EPHA7: variants seen among roughly 807,000 people sequenced by gnomAD.
The protein encoded by EPHA7 is EPH receptor A7.
In EPHA7, 25 loss-of-function variants were observed where a neutral mutation model predicts 112.6. That is an observed-to-expected ratio of 0.22 (90% CI 0.16 to 0.31). The LOEUF is 0.31. EPHA7 is among the 10% of genes least tolerant of loss of function. The pLI is 1.00. For missense variants in EPHA7, 962 were observed against 1,212.6 expected, an observed-to-expected ratio of 0.79 and a Z score of 3.07; for synonymous variants, 437 against 406.5, an observed-to-expected ratio of 1.07 and a Z score of -0.90.
At chr6:93,356,317 C>T (rs1217280912) in intron 5 of EPHA7, among the ~76,000 whole-genome samples, 7 of 151,982 alleles carry the variant, frequency 4.6e-5, no homozygotes, top group Non-Finnish European at 1.0e-4. Flanking sequence ...AAGTGATTCT[C>T]CTGCCTCAGC....
chr6:93,260,212 A>G (rs960499952), intron 9 of EPHA7, among the ~76,000 whole-genome samples: 6 of 151,952 alleles, frequency 3.9e-5, no homozygotes, highest in Admixed American at 3.9e-4. Context: ...ACTTTCAATT[A>G]TAAGGCTCTG....
intron 5 of EPHA7, among the ~76,000 whole-genome samples, chr6:93,345,295 A>G (rs1239642851): frequency 6.6e-6 from 1 of 151,748 alleles, no homozygotes; most frequent in Non-Finnish European, 1.5e-5. Context: ...TAATGACGAA[A>G]TATTAAAAAT....
Position 93,278,252 on chromosome 6 carries a change from ACTC to A in EPHA7, c.1325-5833_1325-5831del, listed in dbSNP as rs370848023. 8.6e-5 allele frequency among the ~76,000 whole-genome samples: 13 copies of A among 152,002 alleles called. No individual in the cohort carries two copies. In the East Asian group the frequency reaches 1.9e-3, roughly 23 times the overall value. Reference sequence around the variant, plus strand: ...TCATTGTTGCTAAACACATACTAGGACTCCTCCTAATCTCTGCTAAAGTACTGA... The same window carrying A: ...TCATTGTTGCTAAACACATACTAGGACTCCTAATCTCTGCTAAAGTACTGA... On this transcript the variant is annotated intron_variant, in intron 5 of 16. Coordinates refer to ENST00000369303, the MANE Select transcript of EPHA7 (RefSeq NM_004440.4).
intron 7 of EPHA7, among the ~76,000 whole-genome samples, 167 bp from the exon 8 acceptor site, chr6:93,264,869 G>T (rs1424667833): frequency 6.6e-6 from 1 of 151,586 alleles, no homozygotes; most frequent in African/African-American, 2.4e-5. Context: ...GCCTTTTAAA[G>T]AACTTGTAAG....
intron 9 of EPHA7, among the ~76,000 whole-genome samples, chr6:93,261,776 T>C (rs1264893335): frequency 1.3e-5 from 2 of 151,542 alleles, no homozygotes; most frequent in East Asian, 3.9e-4. Flanking sequence ...TTATCTTGTC[T>C]ATATTAGCAA....
chr6:93,263,558 T>C (rs1748299310), intron 9 of EPHA7, among the ~76,000 whole-genome samples: 1 of 151,466 alleles, frequency 6.6e-6, no homozygotes, highest in African/African-American at 2.4e-5. Flanking sequence ...ATGCAACCTT[T>C]AATGTATTAT....
chr6:93,388,539 AAGAAATGCT>A (rs931579014), intron 3 of EPHA7, among the ~76,000 whole-genome samples: 3 of 152,144 alleles, frequency 2.0e-5, no homozygotes, highest in Admixed American at 2.0e-4. Context: ...GAAGGATATA[AAGAAATGCT>A]ATTATTTTGT....
Position 93,289,019 on chromosome 6 carries a change from A to G in EPHA7, c.1325-16597T>C, listed in dbSNP as rs1045832519. On this transcript the variant is annotated intron_variant, in intron 5 of 16. Coordinates refer to ENST00000369303, the MANE Select transcript of EPHA7 (RefSeq NM_004440.4). ...TCACAGCATGCAACTTTAGACATAT[A>G]TTAAATTCTGTTTAAATGAATGAAT... Among the ~76,000 whole-genome samples the G allele has an allele frequency of 2.0e-5, 3 of 152,172 alleles. 1 individual carries two copies. The highest frequency in any genetic ancestry group is 7.2e-5 in the African/African-American group (3 of 41,428).
At chr6:93,307,306 C>A (rs769072226) in intron 5 of EPHA7, among the ~76,000 whole-genome samples, 1 of 151,946 alleles carries the variant, frequency 6.6e-6, no homozygotes, top group Non-Finnish European at 1.5e-5. Context: ...CTGTCCACAT[C>A]ATTTAACAGA....
At chr6:93,273,136 A>G (rs1771308914) in intron 5 of EPHA7, among the ~76,000 whole-genome samples, 1 of 151,942 alleles carries the variant, frequency 6.6e-6, no homozygotes. Flanking sequence ...CTCTTTCTAT[A>G]TAGATAATAA....
chr6:93,413,756 TAC>T (rs1779091799), intron 2 of EPHA7, among the ~76,000 whole-genome samples: 1 of 151,954 alleles, frequency 6.6e-6, no homozygotes, highest in Non-Finnish European at 1.5e-5. Context: ...GTTCATATTT[TAC>T]ATTCTTAAAC....
chr6:93,386,982 A>G (rs1443106064), intron 3 of EPHA7, among the ~76,000 whole-genome samples: 1 of 152,130 alleles, frequency 6.6e-6, no homozygotes, highest in African/African-American at 2.4e-5. Context: ...TGTGATGACA[A>G]GGGATGCTGT....
intron 3 of EPHA7, among the ~76,000 whole-genome samples, chr6:93,388,090 C>G (rs542077558): frequency 6.6e-6 from 1 of 151,962 alleles, no homozygotes; most frequent in Non-Finnish European, 1.5e-5. Flanking sequence ...AAAAGATGAC[C>G]CACATGAACA....
chr6:93,320,000 C>T (rs1236730536), intron 5 of EPHA7, among the ~76,000 whole-genome samples: 1 of 151,778 alleles, frequency 6.6e-6, no homozygotes, highest in South Asian at 2.1e-4. Context: ...TACAGATTTA[C>T]TAGATATTTA....
chr6:93,381,173 C>G (rs552162477), intron 3 of EPHA7, among the ~76,000 whole-genome samples: 1 of 152,228 alleles, frequency 6.6e-6, no homozygotes, highest in East Asian at 1.9e-4. Flanking sequence ...TAAAATTTAT[C>G]TATTTTTAGT....
intron 5 of EPHA7, among the ~76,000 whole-genome samples, chr6:93,323,759 G>C (rs1774184347): frequency 6.6e-6 from 1 of 151,338 alleles, no homozygotes; most frequent in Non-Finnish European, 1.5e-5. Context: ...CTTTCAGTTT[G>C]ATATCATTTT....
intron 5 of EPHA7, among the ~76,000 whole-genome samples, chr6:93,297,628 T>A (rs967968837): frequency 6.6e-6 from 1 of 152,224 alleles, no homozygotes; most frequent in South Asian, 2.1e-4. Context: ...AAATGGAAGG[T>A]TCTTTGTAAG....
At chr6:93,324,756 T>C (rs1774234182) in intron 5 of EPHA7, among the ~76,000 whole-genome samples, 2 of 151,440 alleles carry the variant, frequency 1.3e-5, no homozygotes, top group South Asian at 4.1e-4. Flanking sequence ...AAATATTCAC[T>C]ATTTATCACC....
intron 5 of EPHA7, among the ~76,000 whole-genome samples, chr6:93,278,201 A>G (rs1341958992): frequency 6.6e-6 from 1 of 152,050 alleles, no homozygotes; most frequent in Non-Finnish European, 1.5e-5. Flanking sequence ...AAGGGGCATC[A>G]GTTTGTGGAG....
Sources: allele counts gnomAD v4.1 joint callset (sites outside exome capture counted in the v4.1 genomes callset), GRCh38; gene constraint gnomAD v4.1.1; transcripts MANE v1.5; gene names NCBI Gene and HGNC (gene_info 2026-07-23, HGNC 2026-07-21).